Variants in TRMT11 observed in about 807,000 individuals in gnomAD.
TRMT11 encodes tRNA (guanine(10)-N(2))-methyltransferase TRMT11.
In TRMT11, 53 loss-of-function variants were observed where a neutral mutation model predicts 62.8. The observed-to-expected ratio is 0.84, with a 90% CI of 0.68 to 1.06. The LOEUF is 1.06. Ranked by LOEUF, TRMT11 falls within the 50% of genes least tolerant of loss-of-function variation. TRMT11 has a pLI of 0.00. For missense variants in TRMT11, 556 were observed against 553.4 expected (o/e 1.00, Z -0.05); for synonymous variants, 188 against 190.3 (o/e 0.99, Z 0.10).
intron 21 of TRMT11, among the ~76,000 whole-genome samples, chr6:126,168,277 C>T (rs1583896818): frequency 6.6e-6 from 1 of 152,076 alleles, no homozygotes; most frequent in East Asian, 1.9e-4. Flanking sequence ...CTCCAACAGT[C>T]GTTGATACTG....
rs553135763 is a variant in TRMT11 at position 125,997,633 on chromosome 6, A to G, written c.213-420A>G. Among the ~76,000 whole-genome samples the G allele has an allele frequency of 3.3e-5, 5 of 152,312 alleles. No individual in the cohort carries two copies. In the East Asian group the frequency reaches 5.8e-4, roughly 18 times the overall value. On this transcript the variant is annotated intron_variant, in intron 3 of 12. Transcript: ENST00000334379. ...GGTGATCCTCCCACCTCAGCCTCCC[A>G]AGTAGCTGGGGCTATGGGTGTGTGC...
At chr6:126,010,379 C>T (rs1265679547) in intron 8 of TRMT11, among the ~76,000 whole-genome samples, 4 of 151,892 alleles carry the variant, frequency 2.6e-5, no homozygotes, top group Non-Finnish European at 4.4e-5. Flanking sequence ...TTTTTCCAGG[C>T]GTCTACCTAT....
At chr6:126,110,243 T>C (rs1777515724) in intron 17 of TRMT11, among the ~76,000 whole-genome samples, 1 of 152,148 alleles carries the variant, frequency 6.6e-6, no homozygotes, top group Non-Finnish European at 1.5e-5. Flanking sequence ...TCAAGGTTAT[T>C]CTTCAACTAT....
intron 1 of TRMT11, among the ~76,000 whole-genome samples, chr6:126,186,680 G>C (rs1778531500): frequency 6.6e-6 from 1 of 151,986 alleles, no homozygotes; most frequent in African/African-American, 2.4e-5. Flanking sequence ...ATATGTTGTA[G>C]GAGTTTTGTT....
chr6:126,021,296 A>G lies in TRMT11; in HGVS notation c.1260+16A>G, dbSNP rs200326796. 2.9e-4 allele frequency: 465 copies of G among 1,611,754 alleles called. 1 individual carries two copies. In the African/African-American group the frequency reaches 5.1e-3, roughly 18 times the overall value. ...GAAATTTGAGGTAAATTGCTTCAGT[A>G]TTTTTGGGATAAATTCTGAAAGAAT... On this transcript the variant is annotated intron_variant, in intron 12 of 12. Transcript: ENST00000334379.
the TRMT11 span, among the ~76,000 whole-genome samples, chr6:126,237,053 ACCT>A: frequency 6.8e-6 from 1 of 147,490 alleles, no homozygotes; most frequent in South Asian, 2.2e-4. Context: ...TAGGTACTTG[ACCT>A]CCTAGAGATA....
At chr6:126,076,676 C>T (rs1777033275) in intron 17 of TRMT11, among the ~76,000 whole-genome samples, 1 of 152,140 alleles carries the variant, frequency 6.6e-6, no homozygotes, top group South Asian at 2.1e-4. Flanking sequence ...TGATTATAGC[C>T]TCTACCTTTA....
chr6:126,008,904 G>A (rs1251146341), intron 8 of TRMT11, among the ~76,000 whole-genome samples: 1 of 151,776 alleles, frequency 6.6e-6, no homozygotes, highest in African/African-American at 2.4e-5. Context: ...ATACAAAATT[G>A]TGATATAATT....
intron 17 of TRMT11, among the ~76,000 whole-genome samples, chr6:126,056,083 T>C (rs149535001): frequency 3.5e-4 from 54 of 152,342 alleles, no homozygotes; most frequent in African/African-American, 1.2e-3. Context: ...AGGAGTAAGA[T>C]GTCCCTTCCC....
intron 11 of TRMT11, among the ~76,000 whole-genome samples, chr6:126,015,318 C>T (rs902201416): frequency 1.3e-4 from 10 of 77,052 alleles, no homozygotes; most frequent in African/African-American, 4.3e-4. Context: ...CTCCGCCTTC[C>T]GGGTTCACGC....
intron 17 of TRMT11, among the ~76,000 whole-genome samples, chr6:126,092,668 T>C (rs6939492): frequency 0.22 from 33,464 of 152,038 alleles, 8,924 homozygotes; most frequent in African/African-American, 0.64. Context: ...TTGTTCTTCT[T>C]GGTGATTGGT....
intron 1 of TRMT11, among the ~76,000 whole-genome samples, chr6:126,178,549 C>G (rs1029267495): frequency 6.6e-6 from 1 of 152,194 alleles, no homozygotes; most frequent in Non-Finnish European, 1.5e-5. Flanking sequence ...TTCTAAGTTA[C>G]TTTTATTCTG....
chr6:126,185,209 A>T lies in TRMT11; in HGVS notation n.143+7874A>T, dbSNP rs919301976. 2.0e-5 allele frequency among the ~76,000 whole-genome samples: 3 copies of T among 152,174 alleles called. No individual in the cohort carries two copies. In the East Asian group the frequency reaches 5.8e-4, roughly 29 times the overall value. ...TTCATATATTTATTTGGTAATGAAG[A>T]TTTATTTCTAAGTGAAGGATAGAGT... On this transcript the variant is annotated intron_variant and non_coding_transcript_variant, in intron 1 of 3. Coordinates refer to the TRMT11 transcript ENST00000444229.
the TRMT11 span, among the ~76,000 whole-genome samples, chr6:126,211,252 CTT>C: frequency 1.3e-5 from 2 of 152,098 alleles, no homozygotes; most frequent in Non-Finnish European, 2.9e-5. Context: ...AGACTTTTCT[CTT>C]TGTTGTGTTG....
intron 17 of TRMT11, among the ~76,000 whole-genome samples, chr6:126,084,431 T>A (rs1020120422): frequency 2.6e-5 from 4 of 152,142 alleles, no homozygotes; most frequent in Admixed American, 6.6e-5. Flanking sequence ...ATCAGGTGAT[T>A]TGTTTTTTCA....
At chr6:126,270,212 T>C in the TRMT11 span, among the ~76,000 whole-genome samples, 2 of 152,206 alleles carry the variant, frequency 1.3e-5, no homozygotes, top group East Asian at 1.9e-4. Context: ...GGTTTCTTTT[T>C]TTCTAGTTAC....
At chr6:126,163,694 G>A (rs912330268) in intron 21 of TRMT11, among the ~76,000 whole-genome samples, 3 of 152,152 alleles carry the variant, frequency 2.0e-5, no homozygotes, top group Admixed American at 6.5e-5. Context: ...GGCTTTTTTT[G>A]GTTGGTAGGT....
chr6:126,239,306 T>C, the TRMT11 span, among the ~76,000 whole-genome samples: 1 of 152,220 alleles, frequency 6.6e-6, no homozygotes, highest in Non-Finnish European at 1.5e-5. Context: ...CTAGCCTCGA[T>C]GGTCTTTACA....
the TRMT11 span, among the ~76,000 whole-genome samples, chr6:126,269,263 C>CAAAAAA: frequency 1.8e-3 from 121 of 68,806 alleles, 2 homozygotes; most frequent in African/African-American, 7.4e-3. Flanking sequence ...GACTCCGTCT[C>CAAAAAA]AAAAAAAAAA....
Sources: gnomAD v4.1 joint callset for allele counts (sites outside exome capture counted in the v4.1 genomes callset) on GRCh38, gnomAD v4.1.1 for gene constraint, MANE v1.5 for transcripts, NCBI Gene and HGNC (gene_info 2026-07-23, HGNC 2026-07-21) for gene names.